Variants in ADGRG2 observed in about 807,000 individuals in gnomAD.
The protein encoded by ADGRG2 is adhesion G protein-coupled receptor G2, also known as G protein-coupled receptor 64.
ADGRG2 carries 26 observed loss-of-function variants against 74.1 expected under a neutral mutation model. That is an observed-to-expected ratio of 0.35 (90% CI 0.26 to 0.49). The LOEUF is 0.49. Among genes scored for constraint, ADGRG2 ranks in the 20% least tolerant of loss-of-function variants. The pLI is 0.99. For synonymous variants in ADGRG2, 296 were observed against 295.2 expected, an observed-to-expected ratio of 1.00 and a Z score of -0.03; for missense variants, 619 against 763.1, an observed-to-expected ratio of 0.81 and a Z score of 2.22.
intron 1 of ADGRG2, among the ~76,000 whole-genome samples, chrX:19,117,306 T>C (rs1388484923): frequency 9.4e-6 from 1 of 106,347 alleles, no homozygotes; most frequent in Non-Finnish European, 1.9e-5. Context: ...AAAAAAAAAT[T>C]AAAAAATTAA....
chrX:19,087,067 G>C (rs776544114), intron 1 of ADGRG2, among the ~76,000 whole-genome samples: 3 of 111,657 alleles, frequency 2.7e-5, no homozygotes, highest in Admixed American at 1.9e-4. Context: ...CTTGGTCTTA[G>C]AGTGGTAGGT....
intron 3 of ADGRG2, among the ~76,000 whole-genome samples, chrX:19,047,707 C>T (rs73445649): frequency 0.025 from 2,827 of 111,094 alleles, 75 homozygotes; most frequent in African/African-American, 0.086. Flanking sequence ...CAAGCCACCA[C>T]GCCTAGGCAC....
At chrX:19,049,144 C>T (rs1401252855) in intron 3 of ADGRG2, among the ~76,000 whole-genome samples, 1 of 112,265 alleles carries the variant, frequency 8.9e-6, no homozygotes, top group East Asian at 2.8e-4. Context: ...ACACTTTTCC[C>T]CCAGAAGGCC....
At chrX:19,087,362 G>A (rs2061950951) in intron 1 of ADGRG2, among the ~76,000 whole-genome samples, 1 of 112,997 alleles carries the variant, frequency 8.8e-6, no homozygotes, top group Admixed American at 9.3e-5. Flanking sequence ...GCACCAGCGA[G>A]CCTGAATCCA....
At chrX:18,991,356 C>G (rs1390925514) in intron 28 of ADGRG2, among the ~76,000 whole-genome samples, 7 of 110,821 alleles carry the variant, frequency 6.3e-5, no homozygotes, top group Non-Finnish European at 1.1e-4. Context: ...CACTTCCTAA[C>G]TCTGGTTGGA....
chrX:18,996,340 T>C (rs2060017584), intron 26 of ADGRG2, among the ~76,000 whole-genome samples, 188 bp from the exon 27 acceptor site: 2 of 111,630 alleles, frequency 1.8e-5, no homozygotes, highest in East Asian at 2.8e-4. Flanking sequence ...TGAATGCCTT[T>C]AGAAAATCTT....
At chrX:19,068,218 C>G (rs2061597459) in intron 3 of ADGRG2, among the ~76,000 whole-genome samples, 1 of 112,024 alleles carries the variant, frequency 8.9e-6, no homozygotes, top group Non-Finnish European at 1.9e-5. Context: ...GGAGACGACC[C>G]AAATGCCCAT....
chrX:19,061,116 T>C (rs2061484204), intron 3 of ADGRG2, among the ~76,000 whole-genome samples: 1 of 111,707 alleles, frequency 9.0e-6, no homozygotes. Context: ...AAATCCATTC[T>C]TCAAGGGTAA....
chrX:19,117,412 G>T (rs1015604145), intron 1 of ADGRG2, among the ~76,000 whole-genome samples: 2 of 111,642 alleles, frequency 1.8e-5, no homozygotes, highest in Admixed American at 1.9e-4. Context: ...GTTTATACAT[G>T]AGTAGGTTAT....
chrX:19,098,507 A>T (rs1347271965), intron 1 of ADGRG2, among the ~76,000 whole-genome samples: 1 of 112,226 alleles, frequency 8.9e-6, no homozygotes, highest in Non-Finnish European at 1.9e-5. Flanking sequence ...ACATTTTTTT[A>T]AAACATAAAA....
At chrX:18,991,858 A>G (rs1455755035) in intron 28 of ADGRG2, among the ~76,000 whole-genome samples, 2 of 112,420 alleles carry the variant, frequency 1.8e-5, no homozygotes, top group Non-Finnish European at 3.8e-5. Flanking sequence ...CATGATTATG[A>G]TAACAATGAT....
chrX:19,016,843 C>T (rs1286080164), intron 15 of ADGRG2, among the ~76,000 whole-genome samples: 1 of 108,850 alleles, frequency 9.2e-6, no homozygotes, highest in Non-Finnish European at 1.9e-5. Context: ...CCTCCTACCT[C>T]AGTCTCCCAA....
chrX:19,035,866 C>A, intron 7 of ADGRG2, 76 bp downstream of exon 7: 1 of 536,895 alleles, frequency 1.9e-6, no homozygotes, highest in Non-Finnish European at 3.1e-6. Flanking sequence ...TCTTTAGTAA[C>A]CCAGTAGACT....
chrX:19,112,141 G>C (rs2062423701), intron 1 of ADGRG2, among the ~76,000 whole-genome samples: 1 of 110,353 alleles, frequency 9.1e-6, no homozygotes, highest in Non-Finnish European at 1.9e-5. Context: ...GTCCGATAAT[G>C]GTTCATTGCA....
At chrX:19,014,139 C>T in intron 15 of ADGRG2, 65 bp from the exon 16 acceptor site, 1 of 893,969 alleles carries the variant, frequency 1.1e-6, no homozygotes, top group South Asian at 2.5e-5. Flanking sequence ...GCAAGTCTTT[C>T]CCCTCTGGCA....
chrX:19,103,373 C>T (rs752041735), intron 1 of ADGRG2, among the ~76,000 whole-genome samples: 1 of 112,009 alleles, frequency 8.9e-6, no homozygotes, highest in African/African-American at 3.2e-5. Context: ...AGAAAACTCA[C>T]GAATAATCCA....
At chrX:19,095,931 A>T (rs964062109) in intron 1 of ADGRG2, among the ~76,000 whole-genome samples, 4 of 111,478 alleles carry the variant, frequency 3.6e-5, no homozygotes, top group Non-Finnish European at 7.5e-5. Context: ...AGATGGGAGG[A>T]TTGCTTGAGT....
At chrX:19,010,123 G>GTT (rs946891811) in intron 17 of ADGRG2, among the ~76,000 whole-genome samples, 38 of 93,102 alleles carry the variant, frequency 4.1e-4, no homozygotes, top group Non-Finnish European at 5.9e-4. Context: ...TTTTGTTTTT[G>GTT]TTTTTTTTTT....
chrX:19,064,669 C>T (rs916728594), intron 3 of ADGRG2, among the ~76,000 whole-genome samples: 3 of 112,148 alleles, frequency 2.7e-5, no homozygotes, highest in Non-Finnish European at 5.6e-5. Context: ...TACAGATTCA[C>T]AACTACCAAG....
Sources: allele counts gnomAD v4.1 joint callset (sites outside exome capture counted in the v4.1 genomes callset), GRCh38; gene constraint gnomAD v4.1.1; transcripts MANE v1.5; gene names NCBI Gene and HGNC (gene_info 2026-07-23, HGNC 2026-07-21).